Variants in TMEM132C observed in about 807,000 individuals in gnomAD.
TMEM132C encodes protein phosphatase 1, regulatory subunit 152.
Under a neutral mutation model 61.4 loss-of-function variants are expected in TMEM132C, and 29 were observed. That is an observed-to-expected ratio of 0.47 (90% CI 0.35 to 0.64). The LOEUF (loss-of-function observed/expected upper bound fraction) is 0.64, where lower values mean the gene tolerates loss of function less well. Ranked by LOEUF, TMEM132C falls within the 30% of genes least tolerant of loss-of-function variation. TMEM132C has a pLI of 0.00. For synonymous variants in TMEM132C, 656 were observed against 633.1 expected (o/e 1.04, Z -0.54); for missense variants, 1,408 against 1,476.9 (o/e 0.95, Z 0.76).
At chr12:128,442,909 T>G (rs1398712779) in intron 2 of TMEM132C, among the ~76,000 whole-genome samples, 2 of 152,152 alleles carry the variant, frequency 1.3e-5, no homozygotes, top group African/African-American at 4.8e-5. Context: ...TTCCTGGCAA[T>G]TGGAGAAATT....
At chr12:128,339,438 C>T (rs907745268) in intron 1 of TMEM132C, among the ~76,000 whole-genome samples, 1 of 151,956 alleles carries the variant, frequency 6.6e-6, no homozygotes, top group Non-Finnish European at 1.5e-5. Flanking sequence ...TCAAGGCCTG[C>T]GGTTCAGCAC....
At chr12:128,696,367 T>C (rs1366937568) in intron 7 of TMEM132C, among the ~76,000 whole-genome samples, 2 of 152,228 alleles carry the variant, frequency 1.3e-5, no homozygotes, top group East Asian at 3.9e-4. Context: ...AGCACCCCCA[T>C]CCTACCTCTG....
intron 3 of TMEM132C, among the ~76,000 whole-genome samples, chr12:128,562,465 C>T (rs182266293): frequency 1.0e-3 from 158 of 152,142 alleles, no homozygotes; most frequent in Admixed American, 1.4e-3. Context: ...ATAAGTGGTC[C>T]TTATTATTCC....
intron 3 of TMEM132C, among the ~76,000 whole-genome samples, chr12:128,600,995 C>T (rs1183675005): frequency 1.3e-5 from 2 of 152,048 alleles, no homozygotes; most frequent in African/African-American, 4.8e-5. Flanking sequence ...TTAATTCAGC[C>T]TCTTCATTCT....
At chr12:128,571,339 T>C (rs186270015) in intron 3 of TMEM132C, among the ~76,000 whole-genome samples, 1 of 152,376 alleles carries the variant, frequency 6.6e-6, no homozygotes, top group East Asian at 1.9e-4. Context: ...ATATTGTAAC[T>C]GACACAGTCT....
At chr12:128,452,918 A>G (rs1265641732) in intron 2 of TMEM132C, among the ~76,000 whole-genome samples, 1 of 152,196 alleles carries the variant, frequency 6.6e-6, no homozygotes, top group Non-Finnish European at 1.5e-5. Context: ...ATGAAGTTGT[A>G]TTTTGTAGTA....
intron 4 of TMEM132C, among the ~76,000 whole-genome samples, chr12:128,667,921 T>C (rs1593141903): frequency 1.3e-5 from 2 of 152,206 alleles, no homozygotes; most frequent in East Asian, 3.9e-4. Flanking sequence ...TATGATGGAA[T>C]GGGCTCCCAT....
At chr12:128,364,245 CTCCTTCTCCTCT>C (rs1236294429) in intron 1 of TMEM132C, among the ~76,000 whole-genome samples, 4 of 150,610 alleles carry the variant, frequency 2.7e-5, no homozygotes, top group Non-Finnish European at 5.9e-5. Flanking sequence ...CCTTCTCCTC[CTCCTTCTCCTCT>C]CTTCCTCTCA....
chr12:128,360,822 A>G (rs895467807), intron 1 of TMEM132C, among the ~76,000 whole-genome samples: 8 of 152,084 alleles, frequency 5.3e-5, no homozygotes, highest in African/African-American at 1.7e-4. Flanking sequence ...TTCCCCACCA[A>G]TTCTCCAGGT....
At chr12:128,565,411 A>T (rs1454776685) in intron 3 of TMEM132C, among the ~76,000 whole-genome samples, 1 of 152,260 alleles carries the variant, frequency 6.6e-6, no homozygotes, top group Non-Finnish European at 1.5e-5. Flanking sequence ...GTTTTAAACC[A>T]CAGATTTTAG....
At chr12:128,374,986 A>C (rs12824672) in intron 1 of TMEM132C, among the ~76,000 whole-genome samples, 2 of 137,916 alleles carry the variant, frequency 1.5e-5, no homozygotes, top group African/African-American at 5.7e-5. Flanking sequence ...GATGAAAACC[A>C]TTCCCAGCCT....
At chr12:128,343,663 A>G (rs1380100869) in intron 1 of TMEM132C, among the ~76,000 whole-genome samples, 2 of 152,150 alleles carry the variant, frequency 1.3e-5, no homozygotes, top group Non-Finnish European at 2.9e-5. Flanking sequence ...ATGACATTTA[A>G]TATATTAAGA....
chr12:128,583,432 A>T (rs551553295), intron 3 of TMEM132C, among the ~76,000 whole-genome samples: 56 of 152,128 alleles, frequency 3.7e-4, no homozygotes, highest in African/African-American at 1.3e-3. Flanking sequence ...ATTTTGAGCT[A>T]AGTACTGAAG....
intron 3 of TMEM132C, among the ~76,000 whole-genome samples, chr12:128,593,218 T>TTC: frequency 6.7e-6 from 1 of 150,318 alleles, no homozygotes; most frequent in Non-Finnish European, 1.5e-5. Flanking sequence ...TCTTTCTTTC[T>TTC]TCTCTCTCTC....
chr12:128,617,600 G>A (rs945634319), intron 4 of TMEM132C, among the ~76,000 whole-genome samples: 1 of 152,134 alleles, frequency 6.6e-6, no homozygotes, highest in African/African-American at 2.4e-5. Context: ...AAGTGGGGCA[G>A]ATGCAGAGTC....
chr12:128,491,139 A>C (rs994267556), intron 2 of TMEM132C, among the ~76,000 whole-genome samples: 4 of 152,174 alleles, frequency 2.6e-5, no homozygotes, highest in Non-Finnish European at 5.9e-5. Flanking sequence ...GGTGACAGGC[A>C]AGGTGCTCTG....
intron 4 of TMEM132C, among the ~76,000 whole-genome samples, chr12:128,620,684 G>T (rs772325892): frequency 6.6e-6 from 1 of 152,120 alleles, no homozygotes; most frequent in Non-Finnish European, 1.5e-5. Context: ...CTGAGAAGTG[G>T]TGAGATTTAC....
At chr12:128,325,017 A>G (rs1404087385) in intron 1 of TMEM132C, among the ~76,000 whole-genome samples, 1 of 152,174 alleles carries the variant, frequency 6.6e-6, no homozygotes, top group Non-Finnish European at 1.5e-5. Flanking sequence ...AAGTAGATCT[A>G]TATAAATTCC....
chr12:128,267,326 G>T lies in TMEM132C; in HGVS notation c.-77G>T. The T allele has an allele frequency of 1.1e-6, 1 of 926,610 alleles. No individual in the cohort carries two copies. 57.4% of individuals were successfully genotyped at this position (926,610 alleles called of 1,614,324 possible). On this transcript the variant is annotated 5_prime_UTR_variant, in exon 1 of 9. The change abolishes an upstream ATG in the 5' untranslated region. Coordinates refer to ENST00000435159, the MANE Select transcript of TMEM132C (RefSeq NM_001136103.3). ...GGGCTGCGGGAGTGGCCCCGGGCAT[G>T]GGGCGGCCGGCGGGGGCCGCGGGCG...
Sources: gnomAD v4.1 joint callset for allele counts (sites outside exome capture counted in the v4.1 genomes callset) on GRCh38, gnomAD v4.1.1 for gene constraint, MANE v1.5 for transcripts, NCBI Gene and HGNC (gene_info 2026-07-23, HGNC 2026-07-21) for gene names.